Variants in MCF2L2 observed in about 807,000 individuals in gnomAD.
The protein encoded by MCF2L2 is probable guanine nucleotide exchange factor MCF2L2.
MCF2L2 carries 102 observed loss-of-function variants against 150.2 expected under a neutral mutation model. That is an observed-to-expected ratio of 0.68 (90% CI 0.58 to 0.80). MCF2L2 has a LOEUF of 0.80. Among genes scored for constraint, MCF2L2 ranks in the 30% least tolerant of loss-of-function variants. The pLI is 0.00. For synonymous variants in MCF2L2, 465 were observed against 491.3 expected (o/e 0.95, Z 0.71); for missense variants, 1,256 against 1,372.8 (o/e 0.91, Z 1.34).
intron 1 of MCF2L2, among the ~76,000 whole-genome samples, chr3:183,395,928 A>AG (rs1020806005): frequency 2.0e-5 from 3 of 149,854 alleles, no homozygotes; most frequent in African/African-American, 7.3e-5. Context: ...AAAAAAAAAA[A>AG]AAAAAAAAAA....
intron 14 of MCF2L2, among the ~76,000 whole-genome samples, chr3:183,282,697 A>G (rs952398586): frequency 5.3e-5 from 8 of 152,306 alleles, no homozygotes; most frequent in Admixed American, 4.6e-4. Context: ...TCCATGGATA[A>G]ATTTCATTGT....
rs562176014 is a variant in MCF2L2, at chr3:183,346,233, G to A, written c.276-4603C>T. Among the ~76,000 whole-genome samples the A allele has an allele frequency of 1.2e-4, 18 of 152,208 alleles. No individual in the cohort carries two copies. In the South Asian group the frequency reaches 2.1e-3, roughly 18 times the overall value. ...AAAGCTTATCCACCACGATCAAGTCGGCTTCATCCCTGGGATGCACTCAAC... is the reference window on the plus strand; with the variant it reads ...AAAGCTTATCCACCACGATCAAGTCAGCTTCATCCCTGGGATGCACTCAAC... On this transcript the variant is annotated intron_variant, in intron 3 of 29. Coordinates refer to ENST00000328913, the MANE Select transcript of MCF2L2 (RefSeq NM_015078.4).
In MCF2L2 at chr3:183,426,294, GGGACCTTTAAAATCATC is replaced by G. The variant is rs1247412450; in HGVS notation, c.76+1591_76+1607del. 2.6e-5 allele frequency among the ~76,000 whole-genome samples: 4 copies of G among 152,292 alleles called. No individual in the cohort carries two copies. In the East Asian group the frequency reaches 7.7e-4, roughly 29 times the overall value. ...AAGAGCCTGCTCCAGAGAAATAGGA[GGGACCTTTAAAATCATC>G]CAGGTCAACCCCTCGTTTAACAGAT... On this transcript the variant is annotated intron_variant, in intron 1 of 29. Transcript: ENST00000328913.
chr3:183,180,265 C>A, intron 27 of MCF2L2, 106 bp from the exon 28 acceptor site: 1 of 733,974 alleles, frequency 1.4e-6, no homozygotes. Context: ...ACGGTCCTCC[C>A]CATCTCTAAC....
intron 3 of MCF2L2, among the ~76,000 whole-genome samples, chr3:183,349,272 A>G (rs369545141): frequency 6.6e-6 from 1 of 152,164 alleles, no homozygotes; most frequent in Non-Finnish European, 1.5e-5. Flanking sequence ...TTCTTAAGGT[A>G]TAAGATTAGA....
At chr3:183,213,871 A>G (rs772639819) in intron 22 of MCF2L2, among the ~76,000 whole-genome samples, 12 of 152,200 alleles carry the variant, frequency 7.9e-5, no homozygotes, top group Non-Finnish European at 1.0e-4. Flanking sequence ...AAATTAGCTG[A>G]TGTATTAGAT....
intron 5 of MCF2L2, among the ~76,000 whole-genome samples, chr3:183,331,418 A>G (rs1256385371): frequency 1.3e-5 from 2 of 152,184 alleles, no homozygotes; most frequent in African/African-American, 4.8e-5. Context: ...CACCAACTTT[A>G]CCATACGTGC....
intron 3 of MCF2L2, among the ~76,000 whole-genome samples, chr3:183,365,438 AC>A (rs1712465902): frequency 6.6e-6 from 1 of 152,246 alleles, no homozygotes; most frequent in South Asian, 2.1e-4. Context: ...ATATTAAACA[AC>A]GTAAATCCAC....
intron 17 of MCF2L2, 60 bp downstream of exon 17, chr3:183,229,606 G>T: frequency 1.3e-6 from 1 of 770,868 alleles, no homozygotes. Flanking sequence ...AATTCCATCA[G>T]TCTCATTTCC....
At chr3:183,223,638 C>T (rs944955027) in intron 19 of MCF2L2, among the ~76,000 whole-genome samples, 200 bp from the exon 20 acceptor site, 1 of 152,130 alleles carries the variant, frequency 6.6e-6, no homozygotes, top group Non-Finnish European at 1.5e-5. Flanking sequence ...AAGAGGACGG[C>T]TCGGCTAATA....
intron 25 of MCF2L2, among the ~76,000 whole-genome samples, chr3:183,204,210 A>G (rs1338646407): frequency 6.6e-6 from 1 of 152,210 alleles, no homozygotes; most frequent in Admixed American, 6.5e-5. Context: ...AATGCACAGT[A>G]TGGGAAAAAA....
intron 13 of MCF2L2, among the ~76,000 whole-genome samples, chr3:183,290,769 T>C (rs904193154): frequency 1.3e-5 from 2 of 152,150 alleles, no homozygotes; most frequent in African/African-American, 4.8e-5. Context: ...CTTGACCTCA[T>C]GATCTGCCTG....
intron 15 of MCF2L2, among the ~76,000 whole-genome samples, chr3:183,250,681 C>A (rs1445009361): frequency 1.3e-5 from 2 of 151,680 alleles, no homozygotes; most frequent in Non-Finnish European, 2.9e-5. Flanking sequence ...GAAGAGAACA[C>A]CAAGGAAGGC....
intron 17 of MCF2L2, among the ~76,000 whole-genome samples, chr3:183,228,779 T>C (rs1179136589): frequency 6.6e-6 from 1 of 152,178 alleles, no homozygotes; most frequent in Non-Finnish European, 1.5e-5. Context: ...TGCTCTCTCT[T>C]ACATGAAAGT....
intron 2 of MCF2L2, among the ~76,000 whole-genome samples, chr3:183,380,437 T>TGTC (rs1285497287): frequency 6.6e-6 from 1 of 152,214 alleles, no homozygotes; most frequent in Non-Finnish European, 1.5e-5. Flanking sequence ...AGTCTCGCAC[T>TGTC]GTCGCCCAGG....
chr3:183,269,705 G>T, intron 15 of MCF2L2: 1 of 1,124,232 alleles, frequency 8.9e-7, no homozygotes. Flanking sequence ...GTATTAAGAT[G>T]GACACCTACT....
At chr3:183,222,788 G>A (rs879552059) in intron 20 of MCF2L2, among the ~76,000 whole-genome samples, 3 of 152,098 alleles carry the variant, frequency 2.0e-5, no homozygotes, top group Non-Finnish European at 2.9e-5. Flanking sequence ...CCTGTTTGGA[G>A]TGTCTGAGAA....
Position 183,379,394 on chromosome 3 carries a change from C to CA in MCF2L2, c.177dup (p.Gly60TrpfsTer19), listed in dbSNP as rs1248058737. On this transcript the variant is annotated frameshift_variant, in exon 3 of 30. Coordinates refer to ENST00000328913, the MANE Select transcript of MCF2L2 (RefSeq NM_015078.4). LOFTEE classifies it high-confidence loss of function. The stretch of plus-strand genomic sequence containing the variant: ...TCTGGGAACGTGATGATGGGGGCGC[C>CA]ATCCTCCCCTCGGCCTCCTGCAACA... The CA allele has an allele frequency of 6.2e-7, 1 of 1,610,156 alleles. No individual in the cohort carries two copies. The highest frequency in any genetic ancestry group is 8.5e-7 in the Non-Finnish European group (1 of 1,178,368).
At chr3:183,418,789 G>A (rs981871631) in intron 1 of MCF2L2, among the ~76,000 whole-genome samples, 1 of 152,210 alleles carries the variant, frequency 6.6e-6, no homozygotes, top group Non-Finnish European at 1.5e-5. Context: ...CTGTGGCTCT[G>A]CAGGGTACAG....
Sources: gnomAD v4.1 joint callset for allele counts (sites outside exome capture counted in the v4.1 genomes callset) on GRCh38, gnomAD v4.1.1 for gene constraint, MANE v1.5 for transcripts, NCBI Gene and HGNC (gene_info 2026-07-23, HGNC 2026-07-21) for gene names.